DLEC1: variants seen among roughly 807,000 people sequenced by gnomAD.
DLEC1 encodes deleted in lung and esophageal cancer protein 1.
In DLEC1, 146 loss-of-function variants were observed where a neutral mutation model predicts 198.1. That is an observed-to-expected ratio of 0.74 (90% CI 0.64 to 0.85). The LOEUF is 0.85. Ranked by LOEUF, DLEC1 falls within the 40% of genes least tolerant of loss-of-function variation. DLEC1 has a pLI of 0.00. For synonymous variants in DLEC1, 897 were observed against 866.8 expected, an observed-to-expected ratio of 1.03 and a Z score of -0.61; for missense variants, 2,233 against 2,220.0, an observed-to-expected ratio of 1.01 and a Z score of -0.12.
intron 20 of DLEC1, 52 bp downstream of exon 20, chr3:38,107,789 G>C: frequency 6.3e-7 from 1 of 1,586,916 alleles, no homozygotes; most frequent in Non-Finnish European, 8.6e-7. Context: ...AGCCACAGAG[G>C]CCCACATAGA....
intron 27 of DLEC1, 136 bp downstream of exon 27, chr3:38,115,189 GA>G: frequency 1.1e-6 from 1 of 892,908 alleles, no homozygotes; most frequent in East Asian, 2.6e-5. Flanking sequence ...TGTGGTTACG[GA>G]AGTGTGGATG....
chr3:38,094,816 T>C (rs1043317472), intron 12 of DLEC1, 63 bp from the exon 13 acceptor site: 1 of 1,572,176 alleles, frequency 6.4e-7, no homozygotes, highest in Non-Finnish European at 8.7e-7. Flanking sequence ...CAGGGAGGCA[T>C]GGGGTGGAGG....
chr3:38,054,201 AAAAAAAACAAAAC>A (rs1392315526), intron 2 of DLEC1, among the ~76,000 whole-genome samples: 1 of 71,488 alleles, frequency 1.4e-5, no homozygotes, highest in Non-Finnish European at 3.0e-5. Context: ...AAATACTAAA[AAAAAAAACAAAAC>A]AAAAAAACAA....
At chr3:38,068,068 C>G (rs1205864934) in intron 6 of DLEC1, among the ~76,000 whole-genome samples, 1 of 151,678 alleles carries the variant, frequency 6.6e-6, no homozygotes, top group Non-Finnish European at 1.5e-5. Flanking sequence ...ATCTGCACTT[C>G]TAAGTGAGTA....
chr3:38,075,450 G>T (rs1458019879), intron 6 of DLEC1, among the ~76,000 whole-genome samples: 1 of 152,102 alleles, frequency 6.6e-6, no homozygotes, highest in Non-Finnish European at 1.5e-5. Context: ...GAGTTGAAGA[G>T]GTTTTAAGTT....
chr3:38,112,388 C>T lies in DLEC1; in HGVS notation c.3666+27C>T. ...TAAGGGTACACAAGAGGGCAGTGGCCTGGGGGGTGGAGAGTCTGCCCAGCC... is the reference window on the plus strand; with the variant it reads ...TAAGGGTACACAAGAGGGCAGTGGCTTGGGGGGTGGAGAGTCTGCCCAGCC... On this transcript the variant is annotated intron_variant, in intron 25 of 36. Transcript: ENST00000308059. The surrounding 1 kb of genome is among the most constrained non-coding windows in gnomAD (Gnocchi z 4.8). The T allele has an allele frequency of 6.2e-7, 1 of 1,610,432 alleles. No individual in the cohort carries two copies. The highest frequency in any genetic ancestry group is 8.5e-7 in the Non-Finnish European group (1 of 1,177,110).
intron 27 of DLEC1, 91 bp downstream of exon 27, chr3:38,115,144 T>TGGGA: frequency 6.8e-7 from 1 of 1,462,250 alleles, no homozygotes. Flanking sequence ...GGGAAGCCGA[T>TGGGA]GGCCCATGAA....
intron 6 of DLEC1, among the ~76,000 whole-genome samples, chr3:38,079,488 G>T (rs920496921): frequency 1.3e-5 from 2 of 152,194 alleles, no homozygotes; most frequent in African/African-American, 4.8e-5. Flanking sequence ...CCAAAGCTCG[G>T]TGTCCGTGAT....
intron 6 of DLEC1, among the ~76,000 whole-genome samples, chr3:38,071,619 C>G (rs1355190641): frequency 2.0e-5 from 3 of 152,222 alleles, no homozygotes; most frequent in African/African-American, 7.2e-5. Context: ...AGTTGGAGAG[C>G]TAGCTGCTTG....
chr3:38,067,517 C>A (rs960502435), intron 6 of DLEC1, among the ~76,000 whole-genome samples: 2 of 152,174 alleles, frequency 1.3e-5, no homozygotes, highest in Non-Finnish European at 2.9e-5. Flanking sequence ...TCAGAGAGAG[C>A]ACAATGGGAA....
chr3:38,107,596 G>T lies in DLEC1; in HGVS notation c.2877G>T (p.Val959=). 2 of 1,609,700 alleles carry T rather than the reference G, an allele frequency of 1.2e-6. No homozygotes were observed. Among genetic ancestry groups the T allele is most frequent in the Non-Finnish European group, 1.7e-6 (2 of 1,177,592 alleles). The part of the protein sequence containing the change: ...VENGAWSYLP[V]YAEVQKPHVY... Reference sequence around the variant, plus strand: ...CCTCGTGTTCCAGCTACCTTCCTGTGTATGCTGAGGTACAGAAGCCCCATG... The same window carrying T: ...CCTCGTGTTCCAGCTACCTTCCTGTTTATGCTGAGGTACAGAAGCCCCATG... The change falls in exon 20 of 37, where the codon GTG becomes GTT. Residue 959 remains valine (V), a synonymous_variant. Transcript: ENST00000308059.
chr3:38,076,338 A>G (rs1239500593), intron 6 of DLEC1, among the ~76,000 whole-genome samples: 2 of 152,206 alleles, frequency 1.3e-5, no homozygotes, highest in Non-Finnish European at 2.9e-5. Context: ...TGTGTGAGCA[A>G]TAAAGCTGTT....
At position 38,121,657 on chromosome 3, in the gene DLEC1, G is replaced by A; in HGVS notation, c.4896G>A (p.Val1632=). The A allele has an allele frequency of 6.2e-7, 1 of 1,613,990 alleles. No homozygotes were observed. Among genetic ancestry groups the A allele is most frequent in the Non-Finnish European group, 8.5e-7 (1 of 1,179,962 alleles). Residue 1632 remains valine, a synonymous_variant, in exon 35 of 37, where the codon GTG becomes GTA. Coordinates refer to ENST00000308059, the MANE Select transcript of DLEC1 (RefSeq NM_007335.4). ...QVVPLRAVVA[V]PELQLSTSWV... ...TGCCCCTGCGGGCTGTGGTGGCCGT[G>A]CCTGAGCTGCAGCTCTCCACCAGCT...
At chr3:38,060,419 C>T (rs879796907) in intron 3 of DLEC1, among the ~76,000 whole-genome samples, 4 of 151,922 alleles carry the variant, frequency 2.6e-5, no homozygotes, top group Admixed American at 6.6e-5. Context: ...AGAGTCCACA[C>T]GTGGACAGGG....
Position 38,096,633 on chromosome 3 carries a change from G to C in DLEC1, c.2236G>C (p.Glu746Gln). ...SVDDVIVLEI[E>Q]VKGSVEPFQV... ...GGATGATGTGATTGTCCTGGAAATC[G>C]AGGTGAAAGGCTCAGTAGAACCTTT... Residue 746 changes from glutamate to glutamine, a missense_variant, in exon 15 of 37, where the codon GAG becomes CAG. Transcript: ENST00000308059. The C allele has an allele frequency of 6.2e-7, 1 of 1,612,976 alleles. No homozygotes were observed. Among genetic ancestry groups the C allele is most frequent in the East Asian group, 2.2e-5 (1 of 44,878 alleles).
chr3:38,097,201 C>A lies in DLEC1; in HGVS notation c.2360C>A (p.Ser787Ter). The A allele has an allele frequency of 1.3e-6, 2 of 1,579,550 alleles. No individual in the cohort carries two copies. Among genetic ancestry groups the A allele is most frequent in the South Asian group, 2.3e-5 (2 of 86,528 alleles). Residue 787 changes from serine to a stop codon, truncating the protein, a stop_gained, in exon 16 of 37, where the codon TCA becomes TAA. Transcript: ENST00000308059. LOFTEE classifies it high-confidence loss of function. ...TTTCAGATGTGGAACAACAGCAAGT[C>A]ACCCATCAGATACCTGTGGGGGAAG... Reference protein sequence around the residue: ...KAFKMWNNSKSPIRYLWGKIS... With the variant: ...KAFKMWNNSK
In DLEC1 at chr3:38,045,649, A is replaced by G. The variant is rs368394132; in HGVS notation, c.518A>G (p.Gln173Arg). The change falls in exon 2 of 37, where the codon CAG (glutamine) becomes CGG (arginine). Residue 173 changes from glutamine (Q) to arginine (R), a missense_variant. By Grantham distance (43) the Gln-to-Arg change is conservative (BLOSUM62 1). Transcript: ENST00000308059. ...GCGGAAAATGAGCGGGTCATGAGCCAGGCTGGAGTACAGGACCTCGAGAGC... is the reference window on the plus strand; with the variant it reads ...GCGGAAAATGAGCGGGTCATGAGCCGGGCTGGAGTACAGGACCTCGAGAGC... ...AIAENERVMS[Q>R]AGVQDLESLV... 22 of 1,613,954 alleles carry G rather than the reference A, an allele frequency of 1.4e-5. No homozygotes were observed. Among genetic ancestry groups the G allele is most frequent in the Non-Finnish European group, 1.9e-5 (22 of 1,179,998 alleles).
Position 38,122,674 on chromosome 3 carries a change from A to T in DLEC1, c.*262A>T. 2 of 1,429,674 alleles carry T rather than the reference A, an allele frequency of 1.4e-6. No individual in the cohort carries two copies. The highest frequency in any genetic ancestry group is 1.8e-6 in the Non-Finnish European group (2 of 1,091,626). The allele number at this position is 1,429,674 out of a possible 1,614,324, so 88.6% of individuals were successfully genotyped here. ...TACTCAGTGCATAGCGAAGACCAGTATGGCAAAATTAGTCTTGGAAAAAAA... is the reference window on the plus strand; with the variant it reads ...TACTCAGTGCATAGCGAAGACCAGTTTGGCAAAATTAGTCTTGGAAAAAAA... On this transcript the variant is annotated 3_prime_UTR_variant, in exon 37 of 37. Transcript: ENST00000308059.
chr3:38,113,632 A>C (rs1444346490), intron 25 of DLEC1, among the ~76,000 whole-genome samples: 1 of 152,112 alleles, frequency 6.6e-6, no homozygotes, highest in Non-Finnish European at 1.5e-5. Context: ...TAGAGGTTGC[A>C]GTCAGCCGAG....
Sources: allele counts gnomAD v4.1 joint callset (sites outside exome capture counted in the v4.1 genomes callset), GRCh38; gene constraint gnomAD v4.1.1; non-coding constraint Gnocchi (gnomAD v3.1); transcripts MANE v1.5; gene names NCBI Gene and HGNC (gene_info 2026-07-23, HGNC 2026-07-21).